Variants in CADM2 observed in about 807,000 individuals in gnomAD.
CADM2 encodes the protein cell adhesion molecule 2, also known as immunoglobulin superfamily member 4D.
A neutral mutation model predicts 49.8 loss-of-function variants in CADM2; 12 were observed. The observed-to-expected ratio is 0.24, with a 90% CI of 0.15 to 0.39. The LOEUF is 0.39. Ranked by LOEUF, CADM2 falls within the 10% of genes least tolerant of loss-of-function variation. The probability of loss-of-function intolerance (pLI) is 1.00; values close to 1 mark genes in which losing one functional copy is unlikely to be tolerated. For missense variants in CADM2, 378 were observed against 492.3 expected (o/e 0.77, Z 2.20); for synonymous variants, 214 against 175.4 (o/e 1.22, Z -1.74).
intron 2 of CADM2, among the ~76,000 whole-genome samples, chr3:85,740,436 C>T (rs570039583): frequency 6.6e-6 from 1 of 152,204 alleles, no homozygotes; most frequent in East Asian, 1.9e-4. Context: ...GCTAATGTGA[C>T]CACTATTTCA....
chr3:85,790,905 T>A (rs1261110250), intron 2 of CADM2, among the ~76,000 whole-genome samples: 1 of 152,092 alleles, frequency 6.6e-6, no homozygotes, highest in Non-Finnish European at 1.5e-5. Context: ...TGCTCCACAG[T>A]GGCTGGGCAG....
At chr3:85,290,345 C>T (rs568586525) in intron 1 of CADM2, among the ~76,000 whole-genome samples, 7 of 152,256 alleles carry the variant, frequency 4.6e-5, no homozygotes, top group African/African-American at 9.6e-5. Context: ...ACTGCAAGGC[C>T]GCAGCAAGGC....
intron 1 of CADM2, among the ~76,000 whole-genome samples, chr3:85,243,279 G>A (rs2107840298): frequency 6.6e-6 from 1 of 151,732 alleles, no homozygotes; most frequent in Non-Finnish European, 1.5e-5. Context: ...ATATTTTCTA[G>A]CATTCTAAGT....
intron 1 of CADM2, among the ~76,000 whole-genome samples, chr3:85,103,357 T>A (rs184762573): frequency 7.7e-4 from 117 of 152,276 alleles, no homozygotes; most frequent in African/African-American, 2.8e-3. Context: ...TATTTATCCA[T>A]TCATTGATTT....
chr3:85,713,671 G>A (rs2067193278), intron 1 of CADM2, among the ~76,000 whole-genome samples: 1 of 152,060 alleles, frequency 6.6e-6, no homozygotes, highest in African/African-American at 2.4e-5. Context: ...ATATGTCAGA[G>A]GTCCTTAATT....
At chr3:85,535,382 G>A (rs995402466) in intron 1 of CADM2, among the ~76,000 whole-genome samples, 2 of 152,084 alleles carry the variant, frequency 1.3e-5, no homozygotes, top group Admixed American at 1.3e-4. Flanking sequence ...TGGGCCCTAA[G>A]TAACAGACTC....
At chr3:85,708,913 ATTGT>A (rs2067030817) in intron 1 of CADM2, among the ~76,000 whole-genome samples, 1 of 151,554 alleles carries the variant, frequency 6.6e-6, no homozygotes, top group Admixed American at 6.6e-5. Context: ...TGTTAAACAG[ATTGT>A]TTATTTCTTT....
chr3:85,591,242 G>C (rs1433759269), intron 1 of CADM2, among the ~76,000 whole-genome samples: 2 of 151,866 alleles, frequency 1.3e-5, no homozygotes, highest in African/African-American at 2.4e-5. Context: ...AAAATTCTGT[G>C]CACTCCAGAA....
intron 1 of CADM2, among the ~76,000 whole-genome samples, chr3:85,210,040 T>G (rs1204871919): frequency 6.6e-6 from 1 of 152,176 alleles, no homozygotes; most frequent in Non-Finnish European, 1.5e-5. Context: ...AAACATCAGA[T>G]AAGAAAAGTC....
chr3:85,593,749 A>G (rs2063171185), intron 1 of CADM2, among the ~76,000 whole-genome samples: 1 of 152,034 alleles, frequency 6.6e-6, no homozygotes, highest in South Asian at 2.1e-4. Flanking sequence ...TTGAATCTCT[A>G]CATTATAGGG....
At chr3:85,328,974 G>T (rs984720921) in intron 1 of CADM2, among the ~76,000 whole-genome samples, 1 of 151,284 alleles carries the variant, frequency 6.6e-6, no homozygotes, top group Non-Finnish European at 1.5e-5. Flanking sequence ...TTTGAATATA[G>T]GCTCTTTATA....
intron 8 of CADM2, among the ~76,000 whole-genome samples, chr3:85,975,994 A>T (rs2108654563): frequency 6.6e-6 from 1 of 151,708 alleles, no homozygotes; most frequent in Middle Eastern, 3.4e-3. Context: ...CTGCCATGTC[A>T]TATTAAGCAA....
chr3:85,639,768 A>G (rs546792870), intron 1 of CADM2, among the ~76,000 whole-genome samples: 2 of 152,314 alleles, frequency 1.3e-5, no homozygotes, highest in South Asian at 4.1e-4. Flanking sequence ...GGGCAGAGAC[A>G]GAGACTATCA....
At chr3:85,011,001 C>G (rs983800864) in intron 1 of CADM2, among the ~76,000 whole-genome samples, 35 of 151,210 alleles carry the variant, frequency 2.3e-4, no homozygotes, top group African/African-American at 8.0e-4. Context: ...GTAGCTGGGA[C>G]TACAGGCGCC....
chr3:86,016,089 G>A (rs1316100321), intron 8 of CADM2, among the ~76,000 whole-genome samples: 8 of 151,974 alleles, frequency 5.3e-5, no homozygotes, highest in Non-Finnish European at 7.4e-5. Flanking sequence ...TAATTTACGA[G>A]CTTCTAGAAA....
At chr3:86,041,827 G>A (rs1352395881) in intron 8 of CADM2, among the ~76,000 whole-genome samples, 1 of 152,126 alleles carries the variant, frequency 6.6e-6, no homozygotes, top group Non-Finnish European at 1.5e-5. Context: ...AACATAGTTG[G>A]AAGTAAAACA....
intron 1 of CADM2, among the ~76,000 whole-genome samples, chr3:85,448,526 C>T (rs1205080902): frequency 4.0e-5 from 6 of 151,834 alleles, no homozygotes; most frequent in African/African-American, 1.5e-4. Context: ...GGCACTGTGG[C>T]GGTATGTATA....
intron 1 of CADM2, among the ~76,000 whole-genome samples, chr3:85,463,003 G>A (rs1027184012): frequency 6.6e-6 from 1 of 152,058 alleles, no homozygotes; most frequent in Non-Finnish European, 1.5e-5. Flanking sequence ...ATCTGTGAAA[G>A]GAAACTATAC....
intron 1 of CADM2, among the ~76,000 whole-genome samples, chr3:85,168,009 G>T (rs2040518156): frequency 6.6e-6 from 1 of 151,974 alleles, no homozygotes; most frequent in African/African-American, 2.4e-5. Flanking sequence ...AAGCTCAAGT[G>T]GTACCTATTA....
Sources: gnomAD v4.1 joint callset for allele counts (sites outside exome capture counted in the v4.1 genomes callset) on GRCh38, gnomAD v4.1.1 for gene constraint, MANE v1.5 for transcripts, NCBI Gene and HGNC (gene_info 2026-07-23, HGNC 2026-07-21) for gene names.